The following DNAJC13 variants were observed in gnomAD, a reference collection of about 807,000 sequenced individuals.
DNAJC13 encodes the protein DnaJ heat shock protein family (Hsp40) member C13.
Under a neutral mutation model 290.5 loss-of-function variants are expected in DNAJC13, and 75 were observed. The ratio of observed to expected loss-of-function variants is 0.26; its 90% CI spans 0.21 to 0.31. The LOEUF (loss-of-function observed/expected upper bound fraction) is 0.31, where lower values mean the gene tolerates loss of function less well. Among genes scored for constraint, DNAJC13 ranks in the 10% least tolerant of loss-of-function variants. The probability of loss-of-function intolerance (pLI) is 1.00; values close to 1 mark genes in which losing one functional copy is unlikely to be tolerated. For missense variants in DNAJC13, 2,260 were observed against 2,674.5 expected, an observed-to-expected ratio of 0.85 and a Z score of 3.42; for synonymous variants, 862 against 892.0, an observed-to-expected ratio of 0.97 and a Z score of 0.60.
At chr3:132,424,658 CAAT>C (rs1235713407) in intron 1 of DNAJC13, among the ~76,000 whole-genome samples, 2 of 151,982 alleles carry the variant, frequency 1.3e-5, no homozygotes, top group Admixed American at 1.3e-4. Context: ...AATATCTGGG[CAAT>C]TATTTGAAGA....
In DNAJC13 at chr3:132,447,448, C is replaced by G. The variant is rs776875286; in HGVS notation, c.272C>G (p.Thr91Arg). 2 of 1,583,654 alleles carry G rather than the reference C, an allele frequency of 1.3e-6. No individual in the cohort carries two copies. The highest frequency in any genetic ancestry group is 1.7e-6 in the Non-Finnish European group (2 of 1,171,046). The change falls in exon 4 of 56, where the codon ACA becomes AGA. Residue 91 changes from threonine (T) to arginine (R), a missense_variant. Coordinates refer to ENST00000260818, the MANE Select transcript of DNAJC13 (RefSeq NM_015268.4). ...TTAAAATTTTCTACAGAGCACAGAA[C>G]AGAACTTCTTACAGAAGCATTGGTA... ...ETLKFSTEHR[T>R]ELLTEALRFR...
intron 1 of DNAJC13, among the ~76,000 whole-genome samples, chr3:132,420,980 AAAG>A (rs1414398393): frequency 6.6e-6 from 1 of 152,258 alleles, no homozygotes; most frequent in Non-Finnish European, 1.5e-5. Flanking sequence ...AGGAGCTTAA[AAAG>A]AACTGTTTTG....
chr3:132,480,505 GTTCT>G, intron 26 of DNAJC13, 35 bp downstream of exon 26: 1 of 1,451,796 alleles, frequency 6.9e-7, no homozygotes, highest in Non-Finnish European at 9.6e-7. Flanking sequence ...CAAATTTAAC[GTTCT>G]TTGAGTATAA....
At chr3:132,424,564 A>G (rs1939042994) in intron 1 of DNAJC13, among the ~76,000 whole-genome samples, 1 of 152,118 alleles carries the variant, frequency 6.6e-6, no homozygotes, top group African/African-American at 2.4e-5. Flanking sequence ...AATGGTGGAG[A>G]TCTCATATTA....
rs1271182638 is a variant in DNAJC13 at position 132,522,784 on chromosome 3, G to A, written c.5674-44G>A. ...CAAAATACAAACAAAATATTGAGGT[G>A]TTTCCAATAGGTGTCTTTTTCATTC... is the stretch of plus-strand genomic sequence containing the variant. On this transcript the variant is annotated intron_variant, in intron 48 of 55. Transcript: ENST00000260818. The A allele has an allele frequency of 2.7e-6, 4 of 1,502,416 alleles. No homozygotes were observed. In the South Asian group the frequency reaches 3.8e-5, roughly 14 times the overall value. The allele number at this position is 1,502,416 out of a possible 1,614,324, so 93.1% of individuals were successfully genotyped here.
chr3:132,476,295 T>C (rs181169715), intron 22 of DNAJC13, among the ~76,000 whole-genome samples: 1 of 152,356 alleles, frequency 6.6e-6, no homozygotes, highest in African/African-American at 2.4e-5. Context: ...CCGAGCCTAC[T>C]TCTCTTACAG....
At chr3:132,436,250 C>G (rs1330439711) in intron 2 of DNAJC13, among the ~76,000 whole-genome samples, 4 of 152,176 alleles carry the variant, frequency 2.6e-5, no homozygotes, top group Non-Finnish European at 5.9e-5. Flanking sequence ...AGGCGTTAAT[C>G]TACTTCCTGT....
At chr3:132,514,919 G>GATACGGAGACCA in intron 46 of DNAJC13, 5 of 203,508 alleles carry the variant, frequency 2.5e-5, no homozygotes, top group South Asian at 4.3e-5. Flanking sequence ...TTTTCAGTTT[G>GATACGGAGACCA]TTGAGATCTA....
intron 20 of DNAJC13, among the ~76,000 whole-genome samples, chr3:132,471,162 A>T (rs1181188088): frequency 9.0e-6 from 1 of 110,946 alleles, no homozygotes; most frequent in East Asian, 2.9e-4. Context: ...GGCCCGGCTG[A>T]GGGGCTCCTC....
chr3:132,434,222 CAAAAAA>C (rs1406951300), intron 1 of DNAJC13, among the ~76,000 whole-genome samples: 1 of 101,564 alleles, frequency 9.8e-6, no homozygotes, highest in African/African-American at 3.6e-5. Context: ...AAAAAAAAAA[CAAAAAA>C]CAAAAAAATT....
intron 1 of DNAJC13, among the ~76,000 whole-genome samples, chr3:132,431,519 G>T (rs564502300): frequency 6.6e-6 from 1 of 152,074 alleles, no homozygotes; most frequent in East Asian, 1.9e-4. Flanking sequence ...GGGGGTGAGC[G>T]TTCTATGTAT....
rs1001340878 is a variant in DNAJC13, at chr3:132,453,441, C to T, written c.681C>T (p.Ser227=). ...QYLNLRFGKY[S]TDESITSLAE... is the part of the protein sequence containing the mutation. ...TGAATCTTCGCTTTGGAAAATACAG[C>T]ACTGATGAATCCATCACATCTTTAG... is the stretch of plus-strand genomic sequence containing the variant. The change falls in exon 7 of 56, where the codon AGC becomes AGT. Residue 227 remains serine (S), a synonymous_variant. Coordinates refer to ENST00000260818, the MANE Select transcript of DNAJC13 (RefSeq NM_015268.4). The T allele has an allele frequency of 1.2e-6, 2 of 1,613,970 alleles. No individual in the cohort carries two copies. Among genetic ancestry groups the T allele is most frequent in the African/African-American group, 2.7e-5 (2 of 75,040 alleles).
chr3:132,496,750 A>G, intron 36 of DNAJC13, 87 bp downstream of exon 36: 2 of 1,091,428 alleles, frequency 1.8e-6, no homozygotes, highest in Non-Finnish European at 2.5e-6. Context: ...TTTCTACAGC[A>G]TATTTAATAG....
rs1935552593 is a variant in DNAJC13 at position 132,505,399 on chromosome 3, A to G, written c.4982A>G (p.Glu1661Gly). 4 of 1,591,562 alleles carry G rather than the reference A, an allele frequency of 2.5e-6. No individual in the cohort carries two copies. The highest frequency in any genetic ancestry group is 3.4e-6 in the Non-Finnish European group (4 of 1,163,594). The change falls in exon 42 of 56, where the codon GAA (glutamate) becomes GGA (glycine). Residue 1661 changes from glutamate to glycine, a missense_variant. Around this residue, in one of 3 missense-constraint regions of DNAJC13, gnomAD observed 1,494 missense variants for 1,693.7 expected, o/e 0.88. Transcript: ENST00000260818. ...CTTGAATTTCTTGAATCCCAACAAG[A>G]AAACATGATTAAAAAAGTATGTTAT... is the stretch of plus-strand genomic sequence containing the variant. Reference protein sequence around the residue: ...ELLEFLESQQENMIKKGDCDK... With the variant: ...ELLEFLESQQGNMIKKGDCDK...
intron 5 of DNAJC13, among the ~76,000 whole-genome samples, chr3:132,448,921 A>G (rs902720607): frequency 1.1e-4 from 16 of 152,164 alleles, no homozygotes; most frequent in Admixed American, 4.6e-4. Context: ...TAATTATTCT[A>G]TATTGTCAGG....
intron 38 of DNAJC13, among the ~76,000 whole-genome samples, chr3:132,500,238 C>CT (rs775461520): frequency 1.4e-4 from 21 of 152,278 alleles, no homozygotes; most frequent in African/African-American, 3.1e-4. Flanking sequence ...TCATTAAGAG[C>CT]TTTGTAGAGC....
At chr3:132,430,629 A>G (rs2107645897) in intron 1 of DNAJC13, among the ~76,000 whole-genome samples, 1 of 152,264 alleles carries the variant, frequency 6.6e-6, no homozygotes, top group East Asian at 1.9e-4. Context: ...CCCATTCTTC[A>G]GTATCAGCCA....
intron 43 of DNAJC13, among the ~76,000 whole-genome samples, chr3:132,509,588 C>T (rs1935705097): frequency 6.6e-6 from 1 of 152,190 alleles, no homozygotes; most frequent in African/African-American, 2.4e-5. Context: ...AAAATGTTGT[C>T]AAACAGATCA....
intron 36 of DNAJC13, among the ~76,000 whole-genome samples, chr3:132,497,856 C>CTT (rs553645034): frequency 4.2e-5 from 6 of 144,310 alleles, no homozygotes; most frequent in African/African-American, 7.6e-5. Flanking sequence ...GTATGTGTCA[C>CTT]TTTTTTTTTT....
Sources: gnomAD v4.1 joint callset for allele counts (sites outside exome capture counted in the v4.1 genomes callset) on GRCh38, gnomAD v4.1.1 for gene constraint, gnomAD v4.1.1 regional missense constraint, MANE v1.5 for transcripts, NCBI Gene and HGNC (gene_info 2026-07-23, HGNC 2026-07-21) for gene names.